TSHZ2: variants seen among roughly 807,000 people sequenced by gnomAD.
TSHZ2 encodes teashirt homolog 2.
Under a neutral mutation model 74.4 loss-of-function variants are expected in TSHZ2, and 21 were observed. The observed-to-expected ratio is 0.28, with a 90% confidence interval of 0.20 to 0.41. The LOEUF (loss-of-function observed/expected upper bound fraction) is 0.41, where lower values mean the gene tolerates loss of function less well. Ranked by LOEUF, TSHZ2 falls within the 10% of genes least tolerant of loss-of-function variation. The pLI, the probability that TSHZ2 is intolerant of heterozygous loss-of-function variation, is 1.00. For synonymous variants in TSHZ2, 540 were observed against 515.3 expected (o/e 1.05, Z -0.65); for missense variants, 1,244 against 1,293.5 (o/e 0.96, Z 0.59).
intron 2 of TSHZ2, among the ~76,000 whole-genome samples, chr20:53,370,097 G>A (rs1482363971): frequency 2.6e-5 from 4 of 152,210 alleles, no homozygotes; most frequent in Non-Finnish European, 5.9e-5. Context: ...TCTGAAGTCT[G>A]TGTCCCAGCC....
At chr20:53,080,699 G>A (rs761577916) in intron 1 of TSHZ2, among the ~76,000 whole-genome samples, 9 of 152,114 alleles carry the variant, frequency 5.9e-5, no homozygotes, top group Non-Finnish European at 1.0e-4. Context: ...AGTTTAGGTG[G>A]TAATGTTCGC....
chr20:53,069,270 ATGTTGTTTATCATTACT>A (rs1985092374), intron 1 of TSHZ2, among the ~76,000 whole-genome samples: 1 of 152,136 alleles, frequency 6.6e-6, no homozygotes, highest in Non-Finnish European at 1.5e-5. Flanking sequence ...CTGGAAGTAT[ATGTTGTTTATCATTACT>A]TGTAGGGGGC....
At chr20:53,374,659 G>A (rs1182661209) in intron 2 of TSHZ2, among the ~76,000 whole-genome samples, 1 of 151,946 alleles carries the variant, frequency 6.6e-6, no homozygotes, top group African/African-American at 2.4e-5. Flanking sequence ...TTTTTGTTTT[G>A]TTTTGTTTTG....
At chr20:52,977,835 TCCGGGAAACTTC>T (rs1482800627) in intron 1 of TSHZ2, among the ~76,000 whole-genome samples, 11 of 152,238 alleles carry the variant, frequency 7.2e-5, no homozygotes, top group Non-Finnish European at 1.2e-4. Context: ...GAGCAGGGGC[TCCGGGAAACTTC>T]TTGACAATGA....
intron 1 of TSHZ2, among the ~76,000 whole-genome samples, chr20:53,100,693 C>A (rs1019409107): frequency 6.6e-6 from 1 of 152,102 alleles, no homozygotes; most frequent in African/African-American, 2.4e-5. Flanking sequence ...GTGGTCCCAC[C>A]CCCAACCCTT....
Position 53,254,715 on chromosome 20 carries a change from G to A in TSHZ2, c.1257G>A (p.Leu419=), listed in dbSNP as rs1484032971. 5.6e-6 allele frequency: 9 copies of A among 1,614,134 alleles called. No individual in the cohort carries two copies. The highest frequency in any genetic ancestry group is 7.6e-6 in the Non-Finnish European group (9 of 1,180,008). The change falls in exon 2 of 3, where the codon CTG becomes CTA. Residue 419 remains leucine, a synonymous_variant. Coordinates refer to ENST00000371497, the MANE Select transcript of TSHZ2 (RefSeq NM_173485.6). ...TSSASKKGKQ[L]VLDPLAVEKM... ...CTGCCTCCAAGAAAGGGAAGCAGCT[G>A]GTATTAGACCCGTTAGCAGTGGAGA...
intron 1 of TSHZ2, among the ~76,000 whole-genome samples, chr20:53,038,866 T>TTG (rs1555817831): frequency 5.9e-5 from 8 of 134,860 alleles, no homozygotes; most frequent in African/African-American, 1.7e-4. Flanking sequence ...CTTGTTTTTT[T>TTG]TTTGTTTGTT....
intron 1 of TSHZ2, 89 bp downstream of exon 1, chr20:52,973,422 C>A: frequency 6.7e-7 from 1 of 1,493,212 alleles, no homozygotes; most frequent in South Asian, 1.2e-5. Flanking sequence ...GGGCACCACC[C>A]ACTTAAGCTT....
chr20:53,223,137 AT>A (rs111689963), intron 1 of TSHZ2, among the ~76,000 whole-genome samples: 51 of 148,334 alleles, frequency 3.4e-4, no homozygotes, highest in Admixed American at 4.7e-4. Flanking sequence ...TGACCTAGAG[AT>A]TTTTTTTTTT....
intron 1 of TSHZ2, among the ~76,000 whole-genome samples, chr20:53,106,529 T>A (rs1161076728): frequency 2.3e-5 from 3 of 132,468 alleles, no homozygotes; most frequent in Admixed American, 7.7e-5. Context: ...CTCAGCCTCC[T>A]GAGTAGCTGG....
chr20:53,304,360 TTGCACCATGACA>T (rs1172947294), intron 2 of TSHZ2, among the ~76,000 whole-genome samples: 1 of 152,002 alleles, frequency 6.6e-6, no homozygotes. Context: ...GCATATGGCA[TTGCACCATGACA>T]TGCCCTGCTT....
At chr20:53,295,423 T>C in intron 2 of TSHZ2, among the ~76,000 whole-genome samples, 1 of 143,842 alleles carries the variant, frequency 7.0e-6, no homozygotes, top group East Asian at 2.1e-4. Context: ...TACGTGTGTG[T>C]GTGTGTGTGC....
rs866105056 is a variant in TSHZ2, at chr20:53,293,714, A to G, written c.*8+37143A>G. On this transcript the variant is annotated intron_variant, in intron 2 of 2. Transcript: ENST00000371497. ...CAACTGGCTCTCAAAAAAAAAAAAA[A>G]AAAAGAAAAGAAACAGGTCCTGGCC... Among the ~76,000 whole-genome samples the G allele has an allele frequency of 3.1e-3, 457 of 148,510 alleles. 1 individual carries two copies. Among genetic ancestry groups the G allele is most frequent in the African/African-American group, 0.011 (424 of 38,650 alleles).
chr20:53,224,297 A>C (rs998810655), intron 1 of TSHZ2, among the ~76,000 whole-genome samples: 1 of 152,218 alleles, frequency 6.6e-6, no homozygotes, highest in Non-Finnish European at 1.5e-5. Flanking sequence ...GAGATGTTAC[A>C]TGAGAGACTG....
chr20:53,084,785 G>A (rs1985647094), intron 1 of TSHZ2, among the ~76,000 whole-genome samples: 2 of 147,902 alleles, frequency 1.4e-5, no homozygotes, highest in African/African-American at 5.0e-5. Flanking sequence ...CAGTAGTCAA[G>A]CTCAGTTCAT....
At chr20:53,326,128 G>C (rs1979485369) in intron 2 of TSHZ2, among the ~76,000 whole-genome samples, 1 of 152,174 alleles carries the variant, frequency 6.6e-6, no homozygotes, top group Admixed American at 6.5e-5. Context: ...CACCACCCCT[G>C]CTGCCTCTTT....
intron 1 of TSHZ2, among the ~76,000 whole-genome samples, chr20:53,039,389 G>C (rs1213960191): frequency 6.6e-6 from 1 of 152,046 alleles, no homozygotes; most frequent in East Asian, 1.9e-4. Flanking sequence ...TTTCTCTCTC[G>C]ATGCTGTTGT....
At chr20:53,233,858 A>C (rs1217391070) in intron 1 of TSHZ2, among the ~76,000 whole-genome samples, 1 of 152,202 alleles carries the variant, frequency 6.6e-6, no homozygotes, top group East Asian at 1.9e-4. Flanking sequence ...GCCTCATAGG[A>C]CCAGAGACAT....
chr20:53,102,475 A>AGAGGGGAGAG (rs199688933), intron 1 of TSHZ2, among the ~76,000 whole-genome samples: 2 of 145,854 alleles, frequency 1.4e-5, no homozygotes, highest in African/African-American at 2.5e-5. Flanking sequence ...GGAGGGAAGA[A>AGAGGGGAGAG]GAGGGGAGAG....
Sources: allele counts gnomAD v4.1 joint callset (sites outside exome capture counted in the v4.1 genomes callset), GRCh38; gene constraint gnomAD v4.1.1; transcripts MANE v1.5; gene names NCBI Gene and HGNC (gene_info 2026-07-23, HGNC 2026-07-21).